MPRIP: variants seen among roughly 807,000 people sequenced by gnomAD.
MPRIP encodes the protein myosin phosphatase Rho interacting protein.
MPRIP carries 59 observed loss-of-function variants against 234.9 expected under a neutral mutation model. The observed-to-expected ratio is 0.25, with a 90% confidence interval of 0.20 to 0.31. The LOEUF (loss-of-function observed/expected upper bound fraction) is 0.31. Among genes scored for constraint, MPRIP ranks in the 10% least tolerant of loss-of-function variants. The pLI, the probability that MPRIP is intolerant of heterozygous loss-of-function variation, is 1.00. For synonymous variants in MPRIP, 1,144 were observed against 1,263.9 expected (o/e 0.91, Z 2.01); for missense variants, 2,436 against 3,071.0 (o/e 0.79, Z 4.89).
chr17:17,150,849 T>C (rs1485180834), intron 12 of MPRIP, among the ~76,000 whole-genome samples: 2 of 151,882 alleles, frequency 1.3e-5, no homozygotes, highest in Admixed American at 1.3e-4. Context: ...TGCCTCCATT[T>C]CTTTTTTTTT....
chr17:17,122,941 A>G (rs747301434), intron 3 of MPRIP, among the ~76,000 whole-genome samples: 4 of 152,254 alleles, frequency 2.6e-5, no homozygotes, highest in African/African-American at 4.8e-5. Flanking sequence ...CACTATACAC[A>G]GTAGCCAAAA....
intron 1 of MPRIP, among the ~76,000 whole-genome samples, chr17:17,046,198 G>A (rs985684432): frequency 6.6e-6 from 1 of 152,104 alleles, no homozygotes; most frequent in Non-Finnish European, 1.5e-5. Flanking sequence ...ATATCTTTAC[G>A]TTCTTTTCAT....
chr17:17,042,811 GCGC>G lies in MPRIP; in HGVS notation c.-20_-18del, dbSNP rs376448844. On this transcript the variant is annotated 5_prime_UTR_variant, in exon 1 of 24. Transcript: ENST00000651222. Reference sequence around the variant, plus strand: ...CGGGAGCGCCAGGCCGGCCAGGCCTGCGCCGCCGCCGCCGCCGCCGTCGCCGCC... The same window carrying G: ...CGGGAGCGCCAGGCCGGCCAGGCCTGCGCCGCCGCCGCCGCCGTCGCCGCC... The G allele has an allele frequency of 1.4e-4, 186 of 1,340,400 alleles. No homozygotes were observed. Among genetic ancestry groups the G allele is most frequent in the Admixed American group, 6.1e-4 (25 of 41,138 alleles). The allele number at this position is 1,340,400 out of a possible 1,614,324, so 83.0% of individuals were successfully genotyped here.
intron 1 of MPRIP, among the ~76,000 whole-genome samples, chr17:17,060,525 C>T (rs1195405618): frequency 6.6e-6 from 1 of 152,208 alleles, no homozygotes; most frequent in Non-Finnish European, 1.5e-5. Flanking sequence ...ACCACTGAGT[C>T]TCTGTGTGCC....
In MPRIP at chr17:17,064,263, G is replaced by A. The variant is rs544368918; in HGVS notation, c.124-11447G>A. ...GTTGCCCAGGCTGGGGTGCAGTGGC[G>A]CAATCTCGGCTCACTGCAACCTCCG... On this transcript the variant is annotated intron_variant, in intron 1 of 23. Coordinates refer to ENST00000651222, the MANE Select transcript of MPRIP (RefSeq NM_001364716.4). Among the ~76,000 whole-genome samples, 13 of 151,440 alleles carry A rather than the reference G, an allele frequency of 8.6e-5. No homozygotes were observed. The East Asian group carries it at 1.6e-3, about 18-fold the overall frequency.
At chr17:17,129,313 G>T (rs1185379720) in intron 4 of MPRIP, among the ~76,000 whole-genome samples, 1 of 152,000 alleles carries the variant, frequency 6.6e-6, no homozygotes, top group African/African-American at 2.4e-5. Flanking sequence ...CACTCATCCG[G>T]GCTCTGCCGT....
intron 3 of MPRIP, among the ~76,000 whole-genome samples, chr17:17,119,433 A>G (rs529352302): frequency 2.2e-4 from 33 of 152,356 alleles, no homozygotes; most frequent in African/African-American, 7.9e-4. Context: ...TGTTAAGTCC[A>G]GGGAGGAAAG....
At chr17:17,143,782 C>T (rs879058071) in intron 9 of MPRIP, 113 bp downstream of exon 9, 2 of 570,124 alleles carry the variant, frequency 3.5e-6, no homozygotes, top group Admixed American at 8.3e-5. Context: ...TGTGCACAGG[C>T]CCTCGTGTCC....
At chr17:17,168,737 C>T in intron 16 of MPRIP, 1 of 406,686 alleles carries the variant, frequency 2.5e-6, no homozygotes, top group Non-Finnish European at 5.0e-6. Flanking sequence ...CCTTATGTTC[C>T]TTCCACTCAG....
At position 17,056,019 on chromosome 17, in the gene MPRIP, C is replaced by T. The variant is rs1226136688; in HGVS notation, c.123+13048C>T. On this transcript the variant is annotated intron_variant, in intron 1 of 23. Transcript: ENST00000651222. Reference sequence around the variant, plus strand: ...GGGAGGAAACCCAGCTGTGGGACTCCAGGCCTTCCCTGTCTCCACATGACT... The same window carrying T: ...GGGAGGAAACCCAGCTGTGGGACTCTAGGCCTTCCCTGTCTCCACATGACT... 2.0e-5 allele frequency among the ~76,000 whole-genome samples: 3 copies of T among 152,204 alleles called. No homozygotes were observed. The East Asian group carries it at 5.8e-4, about 29-fold the overall frequency.
Position 17,192,172 on chromosome 17 carries a change from C to T in MPRIP, c.*7278C>T, listed in dbSNP as rs759494743. The T allele has an allele frequency of 1.8e-4, 27 of 152,190 alleles. No homozygotes were observed. Among genetic ancestry groups the T allele is most frequent in the Non-Finnish European group, 3.2e-4 (22 of 68,042 alleles). 9.4% of individuals were successfully genotyped at this position (152,190 alleles called of 1,614,324 possible). On this transcript the variant is annotated 3_prime_UTR_variant, in exon 24 of 24. Coordinates refer to ENST00000651222, the MANE Select transcript of MPRIP (RefSeq NM_001364716.4). Reference sequence around the variant, plus strand: ...TTGTGATTCCAGCAGTTCTCACAAACGTTCTGTCACATGATGAAAAGAAGC... The same window carrying T: ...TTGTGATTCCAGCAGTTCTCACAAATGTTCTGTCACATGATGAAAAGAAGC...
At chr17:17,098,540 C>T (rs1047743220) in intron 3 of MPRIP, among the ~76,000 whole-genome samples, 7 of 152,150 alleles carry the variant, frequency 4.6e-5, no homozygotes, top group South Asian at 2.1e-4. Context: ...CTGCCTTTGT[C>T]GGGTCCGGAG....
At chr17:17,183,248 C>T (rs2046409721) in intron 23 of MPRIP, 2 of 152,338 alleles carry the variant, frequency 1.3e-5, no homozygotes, top group Admixed American at 1.3e-4. Flanking sequence ...CGGAGTCTCG[C>T]TCTGTCGCCC....
At chr17:17,112,857 G>C (rs1278929150) in intron 3 of MPRIP, among the ~76,000 whole-genome samples, 1 of 152,204 alleles carries the variant, frequency 6.6e-6, no homozygotes, top group South Asian at 2.1e-4. Flanking sequence ...AGTAGCACGC[G>C]GGCCTTGGGA....
intron 3 of MPRIP, among the ~76,000 whole-genome samples, chr17:17,122,060 A>G (rs1006086391): frequency 2.0e-5 from 3 of 152,166 alleles, no homozygotes; most frequent in African/African-American, 4.8e-5. Context: ...TCTGGTCTGT[A>G]TCATTGATGG....
chr17:17,088,067 A>G (rs1463565867), intron 3 of MPRIP, among the ~76,000 whole-genome samples: 1 of 152,208 alleles, frequency 6.6e-6, no homozygotes, highest in African/African-American at 2.4e-5. Context: ...GCCACCCACA[A>G]TTGATTATCA....
chr17:17,115,186 A>G (rs924826216), intron 3 of MPRIP, among the ~76,000 whole-genome samples: 1 of 152,242 alleles, frequency 6.6e-6, no homozygotes, highest in Non-Finnish European at 1.5e-5. Context: ...CCAGAGCTGA[A>G]TCTTAGAAGA....
chr17:17,056,098 C>G (rs1361349146), intron 1 of MPRIP, among the ~76,000 whole-genome samples: 2 of 152,210 alleles, frequency 1.3e-5, no homozygotes, highest in Non-Finnish European at 2.9e-5. Flanking sequence ...TGTGTGGCCC[C>G]CTTGGCCCCT....
At chr17:17,075,602 C>T in intron 1 of MPRIP, 108 bp from the exon 2 acceptor site, 1 of 940,318 alleles carries the variant, frequency 1.1e-6, no homozygotes, top group Non-Finnish European at 1.7e-6. Context: ...ATGACCTCTG[C>T]AGAGCAGAGG....
Sources: gnomAD v4.1 joint callset for allele counts (sites outside exome capture counted in the v4.1 genomes callset) on GRCh38, gnomAD v4.1.1 for gene constraint, MANE v1.5 for transcripts, NCBI Gene and HGNC (gene_info 2026-07-23, HGNC 2026-07-21) for gene names.